The following EML4 variants were observed in gnomAD, a reference collection of about 807,000 sequenced individuals.
EML4 encodes the protein echinoderm microtubule-associated protein-like 4.
A neutral mutation model predicts 129.0 loss-of-function variants in EML4; 72 were observed. The ratio of observed to expected loss-of-function variants is 0.56; its 90% CI spans 0.46 to 0.68. EML4 has a LOEUF of 0.68. EML4 is among the 30% of genes least tolerant of loss of function. The pLI is 0.00. For missense variants in EML4, 1,363 were observed against 1,190.6 expected (o/e 1.14, Z -2.13); for synonymous variants, 532 against 405.0 (o/e 1.31, Z -3.77).
chr2:42,177,630 C>G (rs1670682500), intron 1 of EML4, among the ~76,000 whole-genome samples: 1 of 152,090 alleles, frequency 6.6e-6, no homozygotes, highest in South Asian at 2.1e-4. Context: ...CTCAAACAAG[C>G]AAACAGACAA....
chr2:42,297,908 C>G (rs998309880), intron 13 of EML4, among the ~76,000 whole-genome samples: 1 of 152,044 alleles, frequency 6.6e-6, no homozygotes, highest in African/African-American at 2.4e-5. Context: ...TTTCTTGTTT[C>G]CAAACCATTT....
intron 2 of EML4, among the ~76,000 whole-genome samples, chr2:42,253,671 C>T (rs1281280443): frequency 1.3e-5 from 2 of 152,066 alleles, no homozygotes; most frequent in African/African-American, 2.4e-5. Flanking sequence ...GCAGACTGCT[C>T]AAGAGTTATT....
At chr2:42,239,203 C>G (rs1674865579) in intron 1 of EML4, among the ~76,000 whole-genome samples, 1 of 152,204 alleles carries the variant, frequency 6.6e-6, no homozygotes, top group South Asian at 2.1e-4. Context: ...ACTAAGAAAA[C>G]AAGACAGTAA....
intron 1 of EML4, among the ~76,000 whole-genome samples, chr2:42,195,285 C>G (rs1018807905): frequency 2.6e-5 from 4 of 152,110 alleles, no homozygotes; most frequent in Admixed American, 6.6e-5. Context: ...CGACTATTAA[C>G]TAATTTTATT....
At chr2:42,240,617 A>G (rs188757538) in intron 1 of EML4, among the ~76,000 whole-genome samples, 13 of 152,334 alleles carry the variant, frequency 8.5e-5, no homozygotes, top group African/African-American at 3.1e-4. Flanking sequence ...ATTCTATGGT[A>G]TGGACATATT....
intron 1 of EML4, among the ~76,000 whole-genome samples, chr2:42,214,660 C>A (rs1191730504): frequency 6.6e-6 from 1 of 152,098 alleles, no homozygotes; most frequent in Non-Finnish European, 1.5e-5. Flanking sequence ...TTCTTCTTTT[C>A]CACTAAGGAT....
chr2:42,324,251 T>G (rs2103822222), intron 19 of EML4, among the ~76,000 whole-genome samples: 1 of 152,222 alleles, frequency 6.6e-6, no homozygotes, highest in East Asian at 1.9e-4. Flanking sequence ...GCTGAGATTG[T>G]GCCACTGCAC....
At chr2:42,207,474 T>C (rs1227822740) in intron 1 of EML4, among the ~76,000 whole-genome samples, 2 of 152,234 alleles carry the variant, frequency 1.3e-5, no homozygotes, top group African/African-American at 4.8e-5. Context: ...TTCTCATTGA[T>C]GGATGAGTTG....
At chr2:42,217,219 G>A (rs558593310) in intron 1 of EML4, among the ~76,000 whole-genome samples, 1 of 152,210 alleles carries the variant, frequency 6.6e-6, no homozygotes, top group South Asian at 2.1e-4. Flanking sequence ...TGTTTTTGTA[G>A]TGGAACTTCT....
rs1670063190 is a variant in EML4, at chr2:42,330,761, A to T, written c.*554A>T. 4.6e-6 allele frequency: 1 copy of T among 219,604 alleles called. No homozygotes were observed. Among genetic ancestry groups the T allele is most frequent in the Non-Finnish European group, 9.3e-6 (1 of 107,820 alleles). The allele number at this position is 219,604 out of a possible 1,614,324, so 13.6% of individuals were successfully genotyped here. A position where few individuals can be genotyped will look rare whatever the true frequency, so the allele number is the denominator to read the frequency against. ...CAAGTGCAATGGTGTTGCCTTCTTT[A>T]AAAAATGCCGTTTTCTTACACTACC... On this transcript the variant is annotated 3_prime_UTR_variant, in exon 23 of 23. Coordinates refer to ENST00000318522, the MANE Select transcript of EML4 (RefSeq NM_019063.5).
chr2:42,245,441 TA>T, intron 1 of EML4, 63 bp from the exon 2 acceptor site: 1 of 1,435,096 alleles, frequency 7.0e-7, no homozygotes, highest in South Asian at 1.3e-5. Flanking sequence ...ATGGTTTTTC[TA>T]ATCAGAAATT....
At chr2:42,251,321 A>G (rs1175530472) in intron 2 of EML4, among the ~76,000 whole-genome samples, 1 of 152,254 alleles carries the variant, frequency 6.6e-6, no homozygotes, top group Non-Finnish European at 1.5e-5. Context: ...TCGTATATGC[A>G]GTCCATCGTG....
At chr2:42,279,521 G>A (rs905376475) in intron 6 of EML4, among the ~76,000 whole-genome samples, 20 of 151,538 alleles carry the variant, frequency 1.3e-4, no homozygotes, top group Middle Eastern at 3.4e-3. Flanking sequence ...GCAGTGGCGC[G>A]ATCTTGGCTC....
At chr2:42,323,876 G>A (rs911739492) in intron 19 of EML4, among the ~76,000 whole-genome samples, 7 of 151,598 alleles carry the variant, frequency 4.6e-5, no homozygotes, top group East Asian at 1.9e-4. Context: ...CCCAGGAGGC[G>A]GAGGTTGCAG....
intron 13 of EML4, among the ~76,000 whole-genome samples, chr2:42,299,622 TA>T (rs1294188274): frequency 6.6e-6 from 1 of 152,254 alleles, no homozygotes; most frequent in Non-Finnish European, 1.5e-5. Context: ...ACATTTCATA[TA>T]AATGGAGTCA....
At chr2:42,180,607 C>T (rs2719133) in intron 1 of EML4, among the ~76,000 whole-genome samples, 112,552 of 152,080 alleles carry the variant, frequency 0.74, 42,695 homozygotes, top group African/African-American at 0.9. Context: ...GTCTTCTTTA[C>T]ACTATAACAA....
intron 21 of EML4, among the ~76,000 whole-genome samples, chr2:42,327,016 C>G (rs1669845608): frequency 6.6e-6 from 1 of 152,150 alleles, no homozygotes. Context: ...TCTCTCTTAT[C>G]CTCTACCCCA....
At chr2:42,262,589 G>A (rs1033574797) in intron 4 of EML4, among the ~76,000 whole-genome samples, 1 of 152,072 alleles carries the variant, frequency 6.6e-6, no homozygotes, top group Admixed American at 6.5e-5. Context: ...AGTTAGCAAT[G>A]CAATGAAAAA....
chr2:42,200,927 C>T (rs1215514994), intron 1 of EML4, among the ~76,000 whole-genome samples: 4 of 152,122 alleles, frequency 2.6e-5, no homozygotes, highest in African/African-American at 4.8e-5. Context: ...TTCCACTTCC[C>T]CTGTTCTCCA....
Sources: gnomAD v4.1 joint callset for allele counts (sites outside exome capture counted in the v4.1 genomes callset) on GRCh38, gnomAD v4.1.1 for gene constraint, MANE v1.5 for transcripts, NCBI Gene and HGNC (gene_info 2026-07-23, HGNC 2026-07-21) for gene names.